The following ACTN1 variants were observed in gnomAD, a reference collection of about 807,000 sequenced individuals.
ACTN1 encodes the protein actinin alpha 1.
In ACTN1, 30 loss-of-function variants were observed where a neutral mutation model predicts 119.6. That is an observed-to-expected ratio of 0.25 (90% CI 0.19 to 0.34). The LOEUF is 0.34. Among genes scored for constraint, ACTN1 ranks in the 10% least tolerant of loss-of-function variants. The probability of loss-of-function intolerance (pLI) is 1.00; values close to 1 mark genes in which losing one functional copy is unlikely to be tolerated. For missense variants in ACTN1, 764 were observed against 1,223.4 expected, an observed-to-expected ratio of 0.62 and a Z score of 5.60; for synonymous variants, 429 against 472.6, an observed-to-expected ratio of 0.91 and a Z score of 1.20.
In ACTN1 at chr14:68,893,762, G is replaced by A; in HGVS notation, c.763-15C>T. ...GCTGTCTCCGCCTGGCAACAAGACA[G>A]AGAGAGTCACGACCAGCCAGCCCCA... On this transcript the variant is annotated splice_polypyrimidine_tract_variant and intron_variant, in intron 8 of 21. Coordinates refer to ENST00000394419, the MANE Select transcript of ACTN1 (RefSeq NM_001130004.2). 1 of 1,612,936 alleles carries A rather than the reference G, an allele frequency of 6.2e-7. No homozygotes were observed. Among genetic ancestry groups the A allele is most frequent in the Non-Finnish European group, 8.5e-7 (1 of 1,179,766 alleles).
At chr14:68,892,364 C>A in intron 9 of ACTN1, 81 bp from the exon 10 acceptor site, 1 of 1,433,596 alleles carries the variant, frequency 7.0e-7, no homozygotes, top group Non-Finnish European at 9.5e-7. Flanking sequence ...TTCCTCCCAA[C>A]AGCCCTCCCA....
chr14:68,944,789 G>C (rs1394461107), intron 1 of ACTN1, among the ~76,000 whole-genome samples: 2 of 152,102 alleles, frequency 1.3e-5, no homozygotes, highest in Non-Finnish European at 2.9e-5. Context: ...TCCAAACCAA[G>C]GCACCAGGGG....
At chr14:68,900,150 G>A (rs921016391) in intron 8 of ACTN1, among the ~76,000 whole-genome samples, 2 of 152,172 alleles carry the variant, frequency 1.3e-5, no homozygotes, top group Non-Finnish European at 2.9e-5. Context: ...CAACCAGGCA[G>A]GGAACAGGGC....
Position 68,885,331 on chromosome 14 carries a change from CAT to C in ACTN1, c.1385+92_1385+93del. ...GGCACCCACCTGTACCCACCCTCCC[CAT>C]CTTCCACGGCCACACCCCCACCTCC... On this transcript the variant is annotated intron_variant, in intron 12 of 21. Transcript: ENST00000394419. The surrounding 1 kb of genome is among the most constrained non-coding windows in gnomAD (Gnocchi z 5.6). The C allele has an allele frequency of 9.7e-6, 14 of 1,443,876 alleles. No homozygotes were observed. Among genetic ancestry groups the C allele is most frequent in the Non-Finnish European group, 9.2e-6 (10 of 1,087,114 alleles). The allele number at this position is 1,443,876 out of a possible 1,614,324, so 89.4% of individuals were successfully genotyped here. A position where few individuals can be genotyped will look rare whatever the true frequency, so the allele number is the denominator to read the frequency against.
intron 1 of ACTN1, among the ~76,000 whole-genome samples, chr14:68,946,253 C>G (rs1566663934): frequency 6.6e-6 from 1 of 152,138 alleles, no homozygotes; most frequent in East Asian, 1.9e-4. Context: ...TTGAAATCCT[C>G]CTTAAGGGCC....
At chr14:68,889,991 A>G in intron 11 of ACTN1, 148 bp downstream of exon 11, 1 of 1,180,172 alleles carries the variant, frequency 8.5e-7, no homozygotes, top group Non-Finnish European at 1.2e-6. Context: ...GGCGACCAGA[A>G]GGCTAATGAA....
intron 3 of ACTN1, among the ~76,000 whole-genome samples, chr14:68,914,137 C>G (rs2034159227): frequency 6.6e-6 from 1 of 151,728 alleles, no homozygotes; most frequent in Non-Finnish European, 1.5e-5. Flanking sequence ...ATTGCTTGAG[C>G]CAAGGCAGAG....
At chr14:68,928,038 A>G (rs992394990) in intron 1 of ACTN1, among the ~76,000 whole-genome samples, 2 of 152,138 alleles carry the variant, frequency 1.3e-5, no homozygotes, top group Non-Finnish European at 2.9e-5. Context: ...TGTCAGCCCC[A>G]GCAACTCGAA....
Position 68,882,536 on chromosome 14 carries a change from C to T in ACTN1, c.1875G>A (p.Gln625=), listed in dbSNP as rs2031643720. 1.2e-6 allele frequency: 2 copies of T among 1,614,110 alleles called. No homozygotes were observed. The highest frequency in any genetic ancestry group is 1.7e-6 in the Non-Finnish European group (2 of 1,180,054). Reference sequence around the variant, plus strand: ...GCTTGCGTAGCCTCTCATTGTGCTGCTGTCGGGCATGCTCCTCCGTCAGAG... The same window carrying T: ...GCTTGCGTAGCCTCTCATTGTGCTGTTGTCGGGCATGCTCCTCCGTCAGAG... The part of the protein sequence containing the change: ...DQALTEEHAR[Q]QHNERLRKQF... Residue 625 remains glutamine (Q), a synonymous_variant, in exon 16 of 22, where the codon CAG becomes CAA. Transcript: ENST00000394419. This position sits in a 1 kb window ranked among gnomAD's most constrained non-coding sequence, Gnocchi z 4.5.
chr14:68,897,085 C>T (rs2032934601), intron 8 of ACTN1, among the ~76,000 whole-genome samples: 1 of 152,188 alleles, frequency 6.6e-6, no homozygotes, highest in African/African-American at 2.4e-5. Context: ...AAGGTTCAAG[C>T]CATCCTCCTG....
Position 68,882,523 on chromosome 14 carries a change from T to C in ACTN1, c.1888A>G (p.Arg630Gly). 1 of 1,614,186 alleles carries C rather than the reference T, an allele frequency of 6.2e-7. No individual in the cohort carries two copies. The highest frequency in any genetic ancestry group is 8.5e-7 in the Non-Finnish European group (1 of 1,180,030). Residue 630 changes from arginine to glycine, a missense_variant, in exon 16 of 22, where the codon AGG (arginine) becomes GGG (glycine). Arg to Gly is a moderately radical substitution (Grantham distance 125). This residue lies in a region of ACTN1 where 544 missense variants were observed against 912.0 expected (regional missense o/e 0.60). Coordinates refer to ENST00000394419, the MANE Select transcript of ACTN1 (RefSeq NM_001130004.2). The surrounding 1 kb of genome is among the most constrained non-coding windows in gnomAD (Gnocchi z 4.5). The stretch of plus-strand genomic sequence containing the variant: ...TGGGCTCCAAACTGCTTGCGTAGCC[T>C]CTCATTGTGCTGCTGTCGGGCATGC... ...EEHARQQHNE[R>G]LRKQFGAQAN...
At chr14:68,954,125 T>A (rs2036269985) in intron 1 of ACTN1, among the ~76,000 whole-genome samples, 1 of 152,224 alleles carries the variant, frequency 6.6e-6, no homozygotes, top group Admixed American at 6.5e-5. Context: ...TACTCTTTAG[T>A]GTTCTCCGAC....
At chr14:68,926,014 TA>T (rs1209066959) in intron 1 of ACTN1, among the ~76,000 whole-genome samples, 11 of 152,252 alleles carry the variant, frequency 7.2e-5, no homozygotes, top group African/African-American at 2.7e-4. Context: ...AGTTACCTCT[TA>T]AGTTATAAGA....
At chr14:68,914,253 T>C (rs2034167138) in intron 3 of ACTN1, among the ~76,000 whole-genome samples, 1 of 151,992 alleles carries the variant, frequency 6.6e-6, no homozygotes, top group South Asian at 2.1e-4. Context: ...AAATCTTTGA[T>C]ATTTTAAAAA....
chr14:68,886,846 A>AGCCAGAC (rs2032056881), intron 11 of ACTN1: 1 of 151,806 alleles, frequency 6.6e-6, no homozygotes, highest in African/African-American at 2.4e-5. Context: ...CTGGCTCCAT[A>AGCCAGAC]GTCTTCTCAT....
At chr14:68,910,326 T>C (rs1377363304) in intron 4 of ACTN1, among the ~76,000 whole-genome samples, 1 of 152,114 alleles carries the variant, frequency 6.6e-6, no homozygotes, top group East Asian at 1.9e-4. Flanking sequence ...TCTCTTTTAT[T>C]CAAAGAAATG....
intron 3 of ACTN1, among the ~76,000 whole-genome samples, chr14:68,915,854 T>C (rs2034262755): frequency 6.6e-6 from 1 of 152,148 alleles, no homozygotes; most frequent in Admixed American, 6.5e-5. Context: ...CCGTCTCCAC[T>C]AAAACAGAAA....
chr14:68,974,552 T>TCTCA (rs2036999727), intron 1 of ACTN1, among the ~76,000 whole-genome samples: 1 of 149,800 alleles, frequency 6.7e-6, no homozygotes, highest in South Asian at 2.1e-4. Flanking sequence ...TCCTACAACA[T>TCTCA]CACACACACA....
intron 8 of ACTN1, among the ~76,000 whole-genome samples, chr14:68,895,954 A>G (rs1566610523): frequency 6.6e-6 from 1 of 152,100 alleles, no homozygotes; most frequent in African/African-American, 2.4e-5. Context: ...CAAAGATCCA[A>G]CCGCATTCCC....
Sources: allele counts gnomAD v4.1 joint callset (sites outside exome capture counted in the v4.1 genomes callset), GRCh38; gene constraint gnomAD v4.1.1; regional missense constraint gnomAD v4.1.1; non-coding constraint Gnocchi (gnomAD v3.1); transcripts MANE v1.5; gene names NCBI Gene and HGNC (gene_info 2026-07-23, HGNC 2026-07-21).